ATF1: variants seen among roughly 807,000 people sequenced by gnomAD.
The protein encoded by ATF1 is activating transcription factor 1.
A neutral mutation model predicts 34.7 loss-of-function variants in ATF1; 16 were observed. That is an observed-to-expected ratio of 0.46 (90% confidence interval 0.31 to 0.70). The LOEUF (loss-of-function observed/expected upper bound fraction) is 0.70, where lower values mean the gene tolerates loss of function less well. Ranked by LOEUF, ATF1 falls within the 30% of genes least tolerant of loss-of-function variation. The pLI, the probability that ATF1 is intolerant of heterozygous loss-of-function variation, is 0.05. For synonymous variants in ATF1, 105 were observed against 113.1 expected (o/e 0.93, Z 0.46); for missense variants, 255 against 321.6 (o/e 0.79, Z 1.58).
chr12:50,773,032 T>C (rs546954648), intron 1 of ATF1, among the ~76,000 whole-genome samples: 1 of 152,220 alleles, frequency 6.6e-6, no homozygotes, highest in African/African-American at 2.4e-5. Flanking sequence ...TGATGTTCTG[T>C]TCCTTTGTTA....
chr12:50,782,993 T>A (rs1028569250), intron 2 of ATF1, among the ~76,000 whole-genome samples: 1 of 151,956 alleles, frequency 6.6e-6, no homozygotes, highest in African/African-American at 2.4e-5. Context: ...CCCGGCTGAT[T>A]TCAGCTGTTT....
intron 6 of ATF1, among the ~76,000 whole-genome samples, chr12:50,817,146 GTTT>G (rs1941860010): frequency 5.3e-5 from 8 of 152,106 alleles, no homozygotes; most frequent in African/African-American, 1.9e-4. Flanking sequence ...TGACCCAGCT[GTTT>G]TAGTCTGTGT....
intron 2 of ATF1, among the ~76,000 whole-genome samples, chr12:50,784,921 A>C (rs1029348486): frequency 6.6e-6 from 1 of 150,870 alleles, no homozygotes; most frequent in Non-Finnish European, 1.5e-5. Context: ...TTATACTTTA[A>C]GTTTTAGGGT....
In ATF1 at chr12:50,779,600, T is replaced by G. The variant is rs143567577; in HGVS notation, c.-6-540T>G. On this transcript the variant is annotated intron_variant, in intron 1 of 6. Coordinates refer to ENST00000262053, the MANE Select transcript of ATF1 (RefSeq NM_005171.5). ...GGTAACCTTTAAAAACATTAAATTC[T>G]GTCTAAATCTTTTACCAGCTTGTTA... Among the ~76,000 whole-genome samples, 206 of 152,162 alleles carry G rather than the reference T, an allele frequency of 1.4e-3. 2 individuals carry two copies. Among genetic ancestry groups the G allele is most frequent in the African/African-American group, 4.8e-3 (198 of 41,522 alleles).
chr12:50,778,976 T>C (rs1329063484), intron 1 of ATF1, among the ~76,000 whole-genome samples: 2 of 152,218 alleles, frequency 1.3e-5, no homozygotes, highest in Non-Finnish European at 2.9e-5. Flanking sequence ...CTGTGGAGTT[T>C]TGCTACTCTA....
At chr12:50,800,081 A>AAGTT (rs1249860954) in intron 3 of ATF1, among the ~76,000 whole-genome samples, 1 of 152,242 alleles carries the variant, frequency 6.6e-6, no homozygotes, top group Non-Finnish European at 1.5e-5. Context: ...CTGAAAGCTA[A>AAGTT]AGTTAAAGAA....
intron 2 of ATF1, among the ~76,000 whole-genome samples, chr12:50,795,665 TG>T (rs1160476709): frequency 6.6e-6 from 1 of 152,180 alleles, no homozygotes; most frequent in Non-Finnish European, 1.5e-5. Flanking sequence ...CTGCTTCATT[TG>T]GGGGACAGAC....
chr12:50,789,143 A>G (rs928929017), intron 2 of ATF1, among the ~76,000 whole-genome samples: 2 of 151,768 alleles, frequency 1.3e-5, no homozygotes, highest in African/African-American at 4.8e-5. Context: ...CAGTGGTGCA[A>G]TCTCAACTCA....
At chr12:50,793,593 A>G (rs1374045221) in intron 2 of ATF1, among the ~76,000 whole-genome samples, 2 of 150,126 alleles carry the variant, frequency 1.3e-5, no homozygotes, top group Non-Finnish European at 2.9e-5. Flanking sequence ...AGATTGTGCT[A>G]TTGCACTCCA....
At chr12:50,765,905 A>T (rs552546757) in intron 1 of ATF1, among the ~76,000 whole-genome samples, 1 of 152,286 alleles carries the variant, frequency 6.6e-6, no homozygotes, top group East Asian at 1.9e-4. Context: ...AAATAACAGT[A>T]AAAAGGGGTA....
At position 50,774,774 on chromosome 12, in the gene ATF1, G is replaced by C. The variant is rs540424315; in HGVS notation, c.-6-5366G>C. Among the ~76,000 whole-genome samples the C allele has an allele frequency of 8.5e-4, 127 of 148,908 alleles. 2 individuals carry two copies. Among genetic ancestry groups the C allele is most frequent in the Non-Finnish European group, 3.8e-4 (26 of 67,616 alleles). On this transcript the variant is annotated intron_variant, in intron 1 of 6. Transcript: ENST00000262053. ...TTTGTTTTTTTTTTTTTGAGACGGA[G>C]TCTCACTCTGTCGCCCAGGCTGGAG...
chr12:50,797,704 C>T (rs553599688), intron 3 of ATF1, among the ~76,000 whole-genome samples: 8 of 152,150 alleles, frequency 5.3e-5, no homozygotes, highest in African/African-American at 1.7e-4. Context: ...CTCTTGGGCT[C>T]AAGTGATCCT....
At chr12:50,768,530 T>A (rs954513755) in intron 1 of ATF1, among the ~76,000 whole-genome samples, 4 of 152,208 alleles carry the variant, frequency 2.6e-5, no homozygotes, top group African/African-American at 9.7e-5. Context: ...CTGAAGCCGG[T>A]AATCCAATTA....
intron 1 of ATF1, 109 bp from the exon 2 acceptor site, chr12:50,780,031 G>A (rs551276261): frequency 1.1e-5 from 8 of 742,464 alleles, no homozygotes; most frequent in African/African-American, 1.8e-5. Context: ...ATTGCTACCA[G>A]TTCTTTTCCA....
At chr12:50,784,484 G>A (rs1285886947) in intron 2 of ATF1, among the ~76,000 whole-genome samples, 1 of 152,164 alleles carries the variant, frequency 6.6e-6, no homozygotes, top group African/African-American at 2.4e-5. Flanking sequence ...TGCTTGATAT[G>A]GTCAAGGAAC....
intron 1 of ATF1, among the ~76,000 whole-genome samples, chr12:50,774,712 A>T (rs1565900166): frequency 6.6e-6 from 1 of 151,344 alleles, no homozygotes; most frequent in Non-Finnish European, 1.5e-5. Flanking sequence ...AAACTATAAA[A>T]TTTTTATTTT....
intron 3 of ATF1, among the ~76,000 whole-genome samples, chr12:50,798,689 T>G (rs1193889492): frequency 6.6e-6 from 1 of 152,156 alleles, no homozygotes; most frequent in East Asian, 1.9e-4. Context: ...AAGTTAAGCT[T>G]TCTGGATTGC....
intron 2 of ATF1, among the ~76,000 whole-genome samples, chr12:50,782,681 G>T (rs1941095349): frequency 7.2e-6 from 1 of 139,386 alleles, no homozygotes; most frequent in Admixed American, 7.3e-5. Flanking sequence ...AGCCACTGTG[G>T]CCAGCCTTTT....
chr12:50,809,927 C>T (rs1041106882), intron 4 of ATF1, among the ~76,000 whole-genome samples: 1 of 152,052 alleles, frequency 6.6e-6, no homozygotes, highest in Non-Finnish European at 1.5e-5. Flanking sequence ...TCTGCCTTCC[C>T]GATTCAAGTG....
Sources: allele counts gnomAD v4.1 joint callset (sites outside exome capture counted in the v4.1 genomes callset), GRCh38; gene constraint gnomAD v4.1.1; transcripts MANE v1.5; gene names NCBI Gene and HGNC (gene_info 2026-07-23, HGNC 2026-07-21).